DPP6: variants seen among roughly 807,000 people sequenced by gnomAD.
The protein encoded by DPP6 is A-type potassium channel modulatory protein DPP6.
DPP6 carries 69 observed loss-of-function variants against 122.6 expected under a neutral mutation model. The observed-to-expected ratio is 0.56, with a 90% CI of 0.46 to 0.69. The LOEUF (loss-of-function observed/expected upper bound fraction) is 0.69, where lower values mean the gene tolerates loss of function less well. Ranked by LOEUF, DPP6 falls within the 30% of genes least tolerant of loss-of-function variation. The pLI is 0.00. For missense variants in DPP6, 928 were observed against 1,116.9 expected (o/e 0.83, Z 2.41); for synonymous variants, 418 against 433.1 (o/e 0.97, Z 0.43).
chr7:154,423,968 T>C (rs1181182548), intron 1 of DPP6, among the ~76,000 whole-genome samples: 1 of 152,218 alleles, frequency 6.6e-6, no homozygotes, highest in African/African-American at 2.4e-5. Flanking sequence ...ACGGCCTTTG[T>C]TTTCAATGTT....
At chr7:154,291,087 G>A (rs964917027) in intron 1 of DPP6, among the ~76,000 whole-genome samples, 3 of 152,108 alleles carry the variant, frequency 2.0e-5, no homozygotes, top group Admixed American at 6.6e-5. Context: ...TGCAGCCACC[G>A]CTCCCCTCCA....
At chr7:153,772,861 TTTC>T in the DPP6 span, among the ~76,000 whole-genome samples, 3 of 147,168 alleles carry the variant, frequency 2.0e-5, no homozygotes, top group Admixed American at 2.0e-4. Context: ...TCTGATAATT[TTTC>T]TTGTTTCTTT....
intron 8 of DPP6, 74 bp downstream of exon 8, chr7:154,727,961 T>C: frequency 2.0e-6 from 3 of 1,504,650 alleles, no homozygotes; most frequent in Non-Finnish European, 2.7e-6. Flanking sequence ...GGGTTCTTTT[T>C]CATTTTTCTT....
intron 2 of DPP6, among the ~76,000 whole-genome samples, chr7:154,473,904 C>G (rs983463819): frequency 1.3e-5 from 2 of 152,102 alleles, no homozygotes; most frequent in African/African-American, 2.4e-5. Context: ...CACATAGCAG[C>G]ACAACAGGAA....
At chr7:153,908,143 T>C (rs1799931195) in intron 1 of DPP6, among the ~76,000 whole-genome samples, 1 of 152,082 alleles carries the variant, frequency 6.6e-6, no homozygotes, top group Non-Finnish European at 1.5e-5. Flanking sequence ...TTGAGTTCTT[T>C]ATAGCTTCCG....
chr7:154,863,611 T>TTGAGACTAGC lies in DPP6; in HGVS notation c.1715-4383_1715-4374dup, dbSNP rs1303654066. On this transcript the variant is annotated intron_variant, in intron 17 of 25. Transcript: ENST00000377770. This position sits in a 1 kb window ranked among gnomAD's most constrained non-coding sequence, Gnocchi z 4.1. ...AGGAAGATCTCTTGAGTCCAGGAGT[T>TTGAGACTAGC]TGAGACTAGCCTGGGAAACACAATG... Among the ~76,000 whole-genome samples the TTGAGACTAGC allele has an allele frequency of 6.6e-6, 1 of 152,078 alleles. No homozygotes were observed. Among genetic ancestry groups the TTGAGACTAGC allele is most frequent in the East Asian group, 1.9e-4 (1 of 5,168 alleles).
Position 154,068,226 on chromosome 7 carries a change from T to C in DPP6, c.243+15163T>C, listed in dbSNP as rs556942047. ...AGGAGGCATCGGCTTGACACAGCAA[T>C]CCTGTGGTGGAGGTGTTTGTATTTT... On this transcript the variant is annotated intron_variant, in intron 1 of 25. Coordinates refer to ENST00000377770, the MANE Select transcript of DPP6 (RefSeq NM_130797.4). Among the ~76,000 whole-genome samples the C allele has an allele frequency of 8.8e-3, 1,334 of 151,780 alleles. 12 individuals are homozygous for C. Among genetic ancestry groups the C allele is most frequent in the Non-Finnish European group, 0.015 (996 of 67,902 alleles).
chr7:154,063,488 T>C (rs1320864056), intron 1 of DPP6, among the ~76,000 whole-genome samples: 3 of 111,230 alleles, frequency 2.7e-5, no homozygotes, highest in Admixed American at 9.5e-5. Context: ...CATTCCCTCT[T>C]CCCCCCCTGG....
At chr7:153,981,684 T>A (rs1796597341) in intron 1 of DPP6, among the ~76,000 whole-genome samples, 1 of 152,220 alleles carries the variant, frequency 6.6e-6, no homozygotes. Context: ...CTGTTACTAG[T>A]TTTCCCTTTC....
intron 1 of DPP6, among the ~76,000 whole-genome samples, chr7:154,155,744 A>T (rs999668920): frequency 3.3e-5 from 5 of 152,196 alleles, no homozygotes; most frequent in African/African-American, 1.2e-4. Flanking sequence ...ATCCCTGAAG[A>T]TGTCCCTTCT....
chr7:154,482,973 A>G (rs1430597940), intron 3 of DPP6, among the ~76,000 whole-genome samples: 1 of 152,078 alleles, frequency 6.6e-6, no homozygotes, highest in Non-Finnish European at 1.5e-5. Context: ...ATGAGCAATA[A>G]CTCGGTGGAA....
intron 1 of DPP6, among the ~76,000 whole-genome samples, chr7:154,192,183 C>T (rs554750381): frequency 1.4e-4 from 21 of 152,270 alleles, no homozygotes; most frequent in Non-Finnish European, 2.6e-4. Flanking sequence ...ACAAGGTCTC[C>T]GACTGAGCAG....
chr7:154,081,994 C>G (rs1384940924), intron 1 of DPP6, among the ~76,000 whole-genome samples: 1 of 152,130 alleles, frequency 6.6e-6, no homozygotes, highest in Admixed American at 6.5e-5. Flanking sequence ...ACTTGAGTGA[C>G]CTTTCTCTTC....
At chr7:153,815,171 T>C in the DPP6 span, among the ~76,000 whole-genome samples, 2 of 152,234 alleles carry the variant, frequency 1.3e-5, no homozygotes, top group African/African-American at 2.4e-5. Flanking sequence ...GTCAAATTGT[T>C]CCTGTTTGCA....
intron 8 of DPP6, among the ~76,000 whole-genome samples, chr7:154,729,402 G>T (rs6944828): frequency 0.014 from 2,081 of 149,560 alleles, 47 homozygotes; most frequent in African/African-American, 0.045. Flanking sequence ...TGCAAGCTTA[G>T]TGTTACCTCC....
chr7:153,887,621 A>C, exon 1 of DPP6: 1 of 1,590,198 alleles, frequency 6.3e-7, no homozygotes, highest in East Asian at 2.2e-5. Context: ...TTTAATCCTC[A>C]CCAGGACAAT....
At position 154,514,717 on chromosome 7, in the gene DPP6, T is replaced by A. The variant is rs566577393; in HGVS notation, c.458-25815T>A. Among the ~76,000 whole-genome samples, 3 of 152,342 alleles carry A rather than the reference T, an allele frequency of 2.0e-5. No homozygotes were observed. In the East Asian group the frequency reaches 5.8e-4, roughly 29 times the overall value. The stretch of plus-strand genomic sequence containing the variant: ...TCCATGTTGTAGCCTGTGACAGAAC[T>A]TCCTTCTCTTTTAAAGCTGGATGAT... On this transcript the variant is annotated intron_variant, in intron 3 of 25. Transcript: ENST00000377770.
chr7:154,779,183 A>C, intron 10 of DPP6, among the ~76,000 whole-genome samples: 1 of 36,072 alleles, frequency 2.8e-5, no homozygotes, highest in East Asian at 8.7e-4. Context: ...CACATCCATC[A>C]CCCCCACAAC....
At chr7:154,768,732 T>G (rs1451895070) in intron 8 of DPP6, among the ~76,000 whole-genome samples, 1 of 152,338 alleles carries the variant, frequency 6.6e-6, no homozygotes, top group African/African-American at 2.4e-5. Context: ...ATAATGGGTG[T>G]TTCTGGTTGA....
Sources: allele counts gnomAD v4.1 joint callset (sites outside exome capture counted in the v4.1 genomes callset), GRCh38; gene constraint gnomAD v4.1.1; non-coding constraint Gnocchi (gnomAD v3.1); transcripts MANE v1.5; gene names NCBI Gene and HGNC (gene_info 2026-07-23, HGNC 2026-07-21).